CARS2: variants seen among roughly 807,000 people sequenced by gnomAD.
CARS2 encodes the protein probable cysteine--tRNA ligase, mitochondrial.
CARS2 carries 52 observed loss-of-function variants against 68.8 expected under a neutral mutation model. The ratio of observed to expected loss-of-function variants is 0.76; its 90% confidence interval spans 0.61 to 0.95. The LOEUF is 0.95. CARS2 is among the 40% of genes least tolerant of loss of function. The pLI, the probability that CARS2 is intolerant of heterozygous loss-of-function variation, is 0.00. For missense variants in CARS2, 780 were observed against 754.2 expected (o/e 1.03, Z -0.40); for synonymous variants, 314 against 303.6 (o/e 1.03, Z -0.36).
chr13:110,647,288 C>T (rs2139684587), intron 10 of CARS2, 49 bp from the exon 11 acceptor site: 1 of 1,586,862 alleles, frequency 6.3e-7, no homozygotes, highest in Middle Eastern at 1.7e-4. Context: ...ATGCTGTGCC[C>T]CTGCCCTGGT....
chr13:110,676,150 G>C lies in CARS2; in HGVS notation c.785+824C>G, dbSNP rs753476246. Among the ~76,000 whole-genome samples the C allele has an allele frequency of 6.6e-6, 1 of 152,158 alleles. No individual in the cohort carries two copies. Among genetic ancestry groups the C allele is most frequent in the Non-Finnish European group, 1.5e-5 (1 of 68,026 alleles). Reference sequence around the variant, plus strand: ...ACCTGGGCAAGAAGAGTGAACCTCCGTCTCAAAACAAAAAAACAGGAACAT... The same window carrying C: ...ACCTGGGCAAGAAGAGTGAACCTCCCTCTCAAAACAAAAAAACAGGAACAT... On this transcript the variant is annotated intron_variant, in intron 7 of 14. Coordinates refer to ENST00000257347, the MANE Select transcript of CARS2 (RefSeq NM_024537.4). The surrounding 1 kb of genome is among the most constrained non-coding windows in gnomAD (Gnocchi z 4.0).
chr13:110,693,053 T>G (rs1438749793), intron 3 of CARS2, among the ~76,000 whole-genome samples: 1 of 125,140 alleles, frequency 8.0e-6, no homozygotes, highest in Non-Finnish European at 1.6e-5. Flanking sequence ...GAGGTTGCAG[T>G]GGGCAGAGAT....
intron 6 of CARS2, among the ~76,000 whole-genome samples, chr13:110,679,504 T>G (rs1348517604): frequency 1.4e-5 from 2 of 144,606 alleles, no homozygotes; most frequent in African/African-American, 5.3e-5. Context: ...CACTCCAGCC[T>G]GAACAACAAG....
At chr13:110,698,897 A>G (rs150678559) in intron 3 of CARS2, among the ~76,000 whole-genome samples, 5 of 152,286 alleles carry the variant, frequency 3.3e-5, no homozygotes, top group Admixed American at 6.5e-5. Context: ...GCTGAGTCCC[A>G]GCTACCAGGA....
chr13:110,664,956 C>T (rs1264442875), intron 8 of CARS2: 5 of 959,580 alleles, frequency 5.2e-6, no homozygotes, highest in East Asian at 2.3e-4. Context: ...ATAACACGCC[C>T]GCTTTCAGTT....
At chr13:110,662,682 A>T (rs2062542939) in intron 9 of CARS2, among the ~76,000 whole-genome samples, 1 of 152,210 alleles carries the variant, frequency 6.6e-6, no homozygotes, top group African/African-American at 2.4e-5. Context: ...TGTTTCTTTC[A>T]ACTTTTCTAT....
In CARS2 at chr13:110,712,540, C is replaced by G. The variant is rs908021783; in HGVS notation, n.399+597G>C. 588 of 232,324 alleles carry G rather than the reference C, an allele frequency of 2.5e-3. 12 individuals are homozygous for G. Among genetic ancestry groups the G allele is most frequent in the Non-Finnish European group, 3.8e-3 (451 of 117,702 alleles). 14.4% of individuals were successfully genotyped at this position (232,324 alleles called of 1,614,324 possible). On this transcript the variant is annotated intron_variant and non_coding_transcript_variant, in intron 1 of 2. Transcript: ENST00000485188. ...GGCCCTTTGGCCGGAAGGGGGGGGG[C>G]CGGCGCGCGGGGCCGGTCGCCTAGG...
chr13:110,645,856 G>A (rs1888037560), intron 12 of CARS2, 111 bp downstream of exon 12: 2 of 1,344,132 alleles, frequency 1.5e-6, no homozygotes, highest in Non-Finnish European at 1.0e-6. Context: ...AGAAGCTGCG[G>A]GAGGCGAAAT....
At chr13:110,696,769 C>A (rs1473304571) in intron 3 of CARS2, among the ~76,000 whole-genome samples, 1 of 152,142 alleles carries the variant, frequency 6.6e-6, no homozygotes, top group Non-Finnish European at 1.5e-5. Context: ...AGTTAACAAC[C>A]AATCCCTCCT....
intron 1 of CARS2, chr13:110,712,870 C>G (rs778405241): frequency 8.4e-6 from 11 of 1,314,452 alleles, no homozygotes; most frequent in African/African-American, 1.5e-5. Context: ...GTCTCCAAGC[C>G]GTTCCAAACT....
chr13:110,699,852 C>G (rs1269108547), intron 3 of CARS2, among the ~76,000 whole-genome samples: 1 of 152,254 alleles, frequency 6.6e-6, no homozygotes, highest in Non-Finnish European at 1.5e-5. Flanking sequence ...AGGGAGAGCC[C>G]GAGGAGGCGC....
intron 3 of CARS2, chr13:110,698,034 C>T (rs540839658): frequency 1.3e-5 from 6 of 447,790 alleles, no homozygotes; most frequent in East Asian, 1.4e-4. Flanking sequence ...TTCAGATAAA[C>T]GCCCCAGCCC....
At chr13:110,654,735 T>C (rs1454158802) in intron 9 of CARS2, among the ~76,000 whole-genome samples, 4 of 151,526 alleles carry the variant, frequency 2.6e-5, no homozygotes, top group African/African-American at 4.9e-5. Flanking sequence ...CTGGGCAACA[T>C]AGTGAGACTT....
chr13:110,710,935 A>T (rs2064021689), upstream of CARS2, among the ~76,000 whole-genome samples: 1 of 149,660 alleles, frequency 6.7e-6, no homozygotes, highest in Non-Finnish European at 1.5e-5. Context: ...CTGTGTTGTG[A>T]TTTTTTTTTT....
intron 3 of CARS2, among the ~76,000 whole-genome samples, chr13:110,691,563 C>T (rs1456000490): frequency 1.3e-5 from 2 of 152,122 alleles, no homozygotes; most frequent in Non-Finnish European, 2.9e-5. Context: ...AATCTCTGAC[C>T]TGCCTTGAAT....
intron 10 of CARS2, chr13:110,648,212 G>C (rs1228649631): frequency 9.9e-5 from 15 of 152,126 alleles, no homozygotes; most frequent in Admixed American, 9.8e-4. Context: ...TAGCTTGATA[G>C]AAAAGAGAAA....
At chr13:110,645,751 T>C (rs1888020756) in intron 12 of CARS2, 1 of 503,024 alleles carries the variant, frequency 2.0e-6, no homozygotes, top group Non-Finnish European at 3.4e-6. Flanking sequence ...GAGAGCTTGT[T>C]CCCCAGGTGG....
chr13:110,680,818 C>T (rs1396992682), intron 6 of CARS2, among the ~76,000 whole-genome samples: 3 of 152,152 alleles, frequency 2.0e-5, no homozygotes, highest in Non-Finnish European at 2.9e-5. Flanking sequence ...GGCTAAGTGT[C>T]GTGTTAAGGG....
chr13:110,696,276 GTA>G (rs35110212), intron 3 of CARS2, among the ~76,000 whole-genome samples: 20,718 of 152,116 alleles, frequency 0.14, 2,134 homozygotes, highest in African/African-American at 0.28. Context: ...AATCCTTTGG[GTA>G]TATACCCAGT....
Sources: gnomAD v4.1 joint callset for allele counts (sites outside exome capture counted in the v4.1 genomes callset) on GRCh38, gnomAD v4.1.1 for gene constraint, Gnocchi (gnomAD v3.1) non-coding constraint, MANE v1.5 for transcripts, NCBI Gene and HGNC (gene_info 2026-07-23, HGNC 2026-07-21) for gene names.